The following HPGDS variants were observed in gnomAD, a reference collection of about 807,000 sequenced individuals.
HPGDS encodes GST class-sigma.
Under a neutral mutation model 23.1 loss-of-function variants are expected in HPGDS, and 26 were observed. The ratio of observed to expected loss-of-function variants is 1.13; its 90% CI spans 0.83 to 1.56. The LOEUF is 1.56. HPGDS is among the 40% of genes most tolerant of loss of function. The pLI, the probability that HPGDS is intolerant of heterozygous loss-of-function variation, is 0.00. For synonymous variants in HPGDS, 95 were observed against 77.9 expected (o/e 1.22, Z -1.16); for missense variants, 268 against 236.4 (o/e 1.13, Z -0.88).
chr4:94,334,741 T>C, intron 1 of HPGDS, 103 bp from the exon 2 acceptor site: 1 of 982,496 alleles, frequency 1.0e-6, no homozygotes, highest in East Asian at 2.6e-5. Context: ...CTCTTGAGAT[T>C]ACTGGAGACA....
At chr4:94,319,115 A>C (rs764352673) in intron 2 of HPGDS, among the ~76,000 whole-genome samples, 2 of 152,176 alleles carry the variant, frequency 1.3e-5, no homozygotes, top group Non-Finnish European at 2.9e-5. Flanking sequence ...TTATCTGTCC[A>C]GTGCTGACAG....
Position 94,298,877 on chromosome 4 carries a change from A to G in HPGDS, c.*603T>C, listed in dbSNP as rs1560581754. 6.6e-6 allele frequency: 1 copy of G among 151,996 alleles called. No homozygotes were observed. Among genetic ancestry groups the G allele is most frequent in the Non-Finnish European group, 1.5e-5 (1 of 68,016 alleles). The allele number at this position is 151,996 out of a possible 1,614,324, so 9.4% of individuals were successfully genotyped here. On this transcript the variant is annotated 3_prime_UTR_variant, in exon 6 of 6. Transcript: ENST00000295256. Reference sequence around the variant, plus strand: ...GTTTTTGTTCCTTTGCTGCACTTTCATCTTTGTTGGGGAGTTCCCTCTTTT... The same window carrying G: ...GTTTTTGTTCCTTTGCTGCACTTTCGTCTTTGTTGGGGAGTTCCCTCTTTT...
chr4:94,304,866 T>C (rs191189482), intron 4 of HPGDS, among the ~76,000 whole-genome samples: 347 of 152,168 alleles, frequency 2.3e-3, no homozygotes, highest in Middle Eastern at 6.8e-3. Context: ...TGGTCTCTGT[T>C]ATGGAGCCTC....
chr4:94,309,519 C>T (rs1347752366), intron 3 of HPGDS, among the ~76,000 whole-genome samples: 1 of 152,012 alleles, frequency 6.6e-6, no homozygotes, highest in Admixed American at 6.6e-5. Context: ...TTTCTTAATC[C>T]AGTCTATCAT....
rs57601260 is a variant in HPGDS, at chr4:94,332,360, C to G, written c.133+2137G>C. On this transcript the variant is annotated intron_variant, in intron 2 of 5. Coordinates refer to ENST00000295256, the MANE Select transcript of HPGDS (RefSeq NM_014485.3). Reference sequence around the variant, plus strand: ...GCAGGGACCCACCAAGTACAGGGAACCAAAAAAGGCTGTCGCACTGGCCTT... The same window carrying G: ...GCAGGGACCCACCAAGTACAGGGAAGCAAAAAAGGCTGTCGCACTGGCCTT... Among the ~76,000 whole-genome samples the G allele has an allele frequency of 9.4e-4, 143 of 152,330 alleles. 2 individuals carry two copies. The East Asian group carries it at 0.027, about 29-fold the overall frequency.
At chr4:94,340,309 CTCTTTTTTT>C (rs1721123673) in intron 1 of HPGDS, among the ~76,000 whole-genome samples, 11 of 28,784 alleles carry the variant, frequency 3.8e-4, no homozygotes, top group African/African-American at 1.3e-3. Flanking sequence ...TTCTTTCTTT[CTCTTTTTTT>C]TTTTTTTTTT....
In HPGDS at chr4:94,340,309, C is replaced by CTTTCTTTCTTTCTTTCTTTCTT. The variant is rs1560597992; in HGVS notation, c.-10+2485_-10+2486insAAGAAAGAAAGAAAGAAAGAAA. 1.3e-3 allele frequency among the ~76,000 whole-genome samples: 37 copies of CTTTCTTTCTTTCTTTCTTTCTT among 28,790 alleles called. 6 individuals are homozygous for CTTTCTTTCTTTCTTTCTTTCTT. Among genetic ancestry groups the CTTTCTTTCTTTCTTTCTTTCTT allele is most frequent in the Admixed American group, 2.7e-3 (4 of 1,502 alleles). 18.9% of individuals were successfully genotyped at this position (28,790 alleles called of 152,430 possible). A position where few individuals can be genotyped will look rare whatever the true frequency, so the allele number is the denominator to read the frequency against. On this transcript the variant is annotated intron_variant, in intron 1 of 5. Coordinates refer to ENST00000295256, the MANE Select transcript of HPGDS (RefSeq NM_014485.3). Reference sequence around the variant, plus strand: ...TCTTTCTTTCTTTCTTTCTTTCTTTCTCTTTTTTTTTTTTTTTTTTTTTTT... The same window carrying CTTTCTTTCTTTCTTTCTTTCTT: ...TCTTTCTTTCTTTCTTTCTTTCTTTCTTTCTTTCTTTCTTTCTTTCTTTCTTTTTTTTTTTTTTTTTTTTTTT...
intron 2 of HPGDS, among the ~76,000 whole-genome samples, chr4:94,325,597 G>C (rs556501412): frequency 6.6e-6 from 1 of 152,298 alleles, no homozygotes. Flanking sequence ...GCCAGGCGTG[G>C]GATATAATCT....
intron 2 of HPGDS, among the ~76,000 whole-genome samples, chr4:94,327,191 T>C (rs1756647508): frequency 1.3e-5 from 2 of 152,004 alleles, no homozygotes; most frequent in Non-Finnish European, 2.9e-5. Flanking sequence ...CAGACAATGC[T>C]TGTGAGTCCC....
At chr4:94,338,367 G>A (rs1447492626) in intron 1 of HPGDS, among the ~76,000 whole-genome samples, 2 of 142,288 alleles carry the variant, frequency 1.4e-5, no homozygotes, top group Admixed American at 1.3e-4. Flanking sequence ...AGAGGTTGCA[G>A]TGAGCCAAGA....
chr4:94,312,126 G>A (rs570517447), intron 3 of HPGDS, among the ~76,000 whole-genome samples: 10 of 152,122 alleles, frequency 6.6e-5, no homozygotes, highest in African/African-American at 2.4e-4. Flanking sequence ...GGTTTTTTGT[G>A]TCTCTATCTC....
chr4:94,330,748 A>AT (rs201238191), intron 2 of HPGDS, among the ~76,000 whole-genome samples: 2,469 of 151,932 alleles, frequency 0.016, 55 homozygotes, highest in African/African-American at 0.055. Flanking sequence ...AAATATCCTT[A>AT]TTTTTGTCAT....
chr4:94,314,388 G>C (rs1270401354), intron 3 of HPGDS, among the ~76,000 whole-genome samples: 2 of 152,204 alleles, frequency 1.3e-5, no homozygotes, highest in African/African-American at 4.8e-5. Flanking sequence ...GTCTGTTGGA[G>C]TTTGCCAGAG....
At chr4:94,332,162 A>G (rs1229078285) in intron 2 of HPGDS, among the ~76,000 whole-genome samples, 1 of 151,864 alleles carries the variant, frequency 6.6e-6, no homozygotes, top group Non-Finnish European at 1.5e-5. Flanking sequence ...TTCGGAGGAG[A>G]GATGACTTGA....
rs746104600 is a variant in HPGDS, at chr4:94,325,191, T to G, written c.134-7226A>C. The stretch of plus-strand genomic sequence containing the variant: ...GACACCCAGCTGTATGAGGTGTCAG[T>G]CAGCCCCTACTGGGAGCTATCTCCC... On this transcript the variant is annotated intron_variant, in intron 2 of 5. Coordinates refer to ENST00000295256, the MANE Select transcript of HPGDS (RefSeq NM_014485.3). 2.0e-5 allele frequency among the ~76,000 whole-genome samples: 3 copies of G among 152,312 alleles called. No individual in the cohort carries two copies. The East Asian group carries it at 5.8e-4, about 29-fold the overall frequency.
chr4:94,302,302 G>C, intron 4 of HPGDS, 58 bp from the exon 5 acceptor site: 1 of 1,172,988 alleles, frequency 8.5e-7, no homozygotes, highest in East Asian at 2.4e-5. Flanking sequence ...AACATGATCT[G>C]AGGAGGAAGT....
chr4:94,318,687 A>C (rs1213656320), intron 2 of HPGDS, among the ~76,000 whole-genome samples: 1 of 152,098 alleles, frequency 6.6e-6, no homozygotes, highest in African/African-American at 2.4e-5. Context: ...TGCTGCTAAG[A>C]AGAATGTGCA....
Position 94,298,949 on chromosome 4 carries a change from G to A in HPGDS, c.*531C>T, listed in dbSNP as rs1755978224. On this transcript the variant is annotated 3_prime_UTR_variant, in exon 6 of 6. Transcript: ENST00000295256. Reference sequence around the variant, plus strand: ...AAAGGGATTTATCACTGGGCCACAAGCAGGCAATAGCAATACAACTACACA... The same window carrying A: ...AAAGGGATTTATCACTGGGCCACAAACAGGCAATAGCAATACAACTACACA... 1 of 152,240 alleles carries A rather than the reference G, an allele frequency of 6.6e-6. No individual in the cohort carries two copies. Among genetic ancestry groups the A allele is most frequent in the Non-Finnish European group, 1.5e-5 (1 of 68,076 alleles). The allele number at this position is 152,240 out of a possible 1,614,324, so 9.4% of individuals were successfully genotyped here.
chr4:94,304,728 C>T (rs1371713798), intron 4 of HPGDS, among the ~76,000 whole-genome samples: 1 of 152,052 alleles, frequency 6.6e-6, no homozygotes, highest in Non-Finnish European at 1.5e-5. Context: ...TAATCATGAA[C>T]TTGGATTGCT....
Sources: allele counts gnomAD v4.1 joint callset (sites outside exome capture counted in the v4.1 genomes callset), GRCh38; gene constraint gnomAD v4.1.1; transcripts MANE v1.5; gene names NCBI Gene and HGNC (gene_info 2026-07-23, HGNC 2026-07-21).